TLE1: variants seen among roughly 807,000 people sequenced by gnomAD.
TLE1 encodes the protein transducin-like enhancer protein 1.
In TLE1, 21 loss-of-function variants were observed where a neutral mutation model predicts 89.8. The ratio of observed to expected loss-of-function variants is 0.23; its 90% CI spans 0.17 to 0.34. The LOEUF is 0.34. Ranked by LOEUF, TLE1 falls within the 10% of genes least tolerant of loss-of-function variation. The probability of loss-of-function intolerance (pLI) is 1.00; values close to 1 mark genes in which losing one functional copy is unlikely to be tolerated. For missense variants in TLE1, 795 were observed against 1,031.2 expected, an observed-to-expected ratio of 0.77 and a Z score of 3.14; for synonymous variants, 447 against 407.6, an observed-to-expected ratio of 1.10 and a Z score of -1.16.
chr9:81,686,445 T>C (rs1284863215), intron 2 of TLE1, among the ~76,000 whole-genome samples: 1 of 152,218 alleles, frequency 6.6e-6, no homozygotes, highest in Non-Finnish European at 1.5e-5. Context: ...ACACGGTGTG[T>C]GCAAGTATGC....
chr9:81,683,838 T>C (rs1588267802), intron 4 of TLE1, among the ~76,000 whole-genome samples: 1 of 152,146 alleles, frequency 6.6e-6, no homozygotes, highest in South Asian at 2.1e-4. Context: ...TCACTCTGTA[T>C]AGAAACTCAT....
chr9:81,594,286 C>A (rs1423631381), intron 14 of TLE1, among the ~76,000 whole-genome samples: 1 of 152,022 alleles, frequency 6.6e-6, no homozygotes, highest in African/African-American at 2.4e-5. Context: ...AACCCAAATG[C>A]CCATCAATGA....
chr9:81,623,767 G>T (rs1260495268), intron 8 of TLE1, among the ~76,000 whole-genome samples: 1 of 151,992 alleles, frequency 6.6e-6, no homozygotes, highest in South Asian at 2.1e-4. Context: ...TCCAGCCTGG[G>T]TGACAGAGTG....
chr9:81,587,959 TCTG>T, intron 16 of TLE1, 131 bp from the exon 17 acceptor site: 2 of 991,440 alleles, frequency 2.0e-6, no homozygotes, highest in East Asian at 2.8e-5. Flanking sequence ...CCCGCCAGTG[TCTG>T]CTGATGTGCA....
chr9:81,598,304 A>C (rs953055693), intron 14 of TLE1, among the ~76,000 whole-genome samples: 2 of 152,156 alleles, frequency 1.3e-5, no homozygotes, highest in African/African-American at 4.8e-5. Flanking sequence ...AGTTGCGCAC[A>C]AACTGTTCCC....
chr9:81,615,475 G>C (rs1362779470), intron 11 of TLE1, among the ~76,000 whole-genome samples: 1 of 150,530 alleles, frequency 6.6e-6, no homozygotes, highest in African/African-American at 2.5e-5. Context: ...TGAGGCGGGT[G>C]GATCAAAGAG....
chr9:81,630,202 A>C (rs1826396498), intron 8 of TLE1, among the ~76,000 whole-genome samples: 1 of 151,914 alleles, frequency 6.6e-6, no homozygotes, highest in Admixed American at 6.6e-5. Flanking sequence ...TGGTCCGAGG[A>C]TCCCTTAAGG....
At chr9:81,636,303 G>A (rs550526563) in intron 6 of TLE1, among the ~76,000 whole-genome samples, 4 of 152,110 alleles carry the variant, frequency 2.6e-5, no homozygotes, top group South Asian at 4.1e-4. Context: ...GTGGCATCAC[G>A]GTCCACTAGG....
At chr9:81,659,881 G>A (rs1830558599) in intron 4 of TLE1, among the ~76,000 whole-genome samples, 1 of 152,126 alleles carries the variant, frequency 6.6e-6, no homozygotes, top group African/African-American at 2.4e-5. Context: ...ATTCCAAAGT[G>A]CTGTACAAAT....
intron 1 of TLE1, 99 bp from the exon 2 acceptor site, chr9:81,687,533 A>C: frequency 2.3e-6 from 2 of 858,668 alleles, no homozygotes; most frequent in East Asian, 2.7e-5. Context: ...CATAAACATA[A>C]AGTTAGAAGT....
Position 81,688,535 on chromosome 9 carries a change from G to A in TLE1, c.-295C>T, listed in dbSNP as rs1381992773. 1 of 337,502 alleles carries A rather than the reference G, an allele frequency of 3.0e-6. No individual in the cohort carries two copies. Among genetic ancestry groups the A allele is most frequent in the Non-Finnish European group, 5.3e-6 (1 of 188,712 alleles). The allele number at this position is 337,502 out of a possible 1,614,324, so 20.9% of individuals were successfully genotyped here. ...GGGCGCTCGGGGACTGTGCGCGGGG[G>A]CAGCGCTCCAACCCCCGGCCTCAGC... On this transcript the variant is annotated 5_prime_UTR_variant, in exon 1 of 20. Coordinates refer to ENST00000376499, the MANE Select transcript of TLE1 (RefSeq NM_005077.5).
chr9:81,687,243 A>C (rs1834409010), intron 2 of TLE1, 91 bp downstream of exon 2: 4 of 1,045,470 alleles, frequency 3.8e-6, no homozygotes, highest in Admixed American at 2.3e-5. Context: ...CCTGGACGCA[A>C]GAACTAAGTA....
At chr9:81,687,523 C>T (rs1247497515) in intron 1 of TLE1, 89 bp from the exon 2 acceptor site, 3 of 965,982 alleles carry the variant, frequency 3.1e-6, no homozygotes, top group Non-Finnish European at 4.8e-6. Flanking sequence ...ACGGGTGGGA[C>T]ATAAACATAA....
At position 81,633,213 on chromosome 9, in the gene TLE1, C is replaced by A; in HGVS notation, c.594+135G>T. On this transcript the variant is annotated intron_variant, in intron 8 of 19. Coordinates refer to ENST00000376499, the MANE Select transcript of TLE1 (RefSeq NM_005077.5). ...AGGAAAAAAAGTAAAAGAAAAAAGC[C>A]AGGTCACTGAGAGAGACAGGGAGAG... The A allele has an allele frequency of 3.6e-6, 5 of 1,407,984 alleles. No individual in the cohort carries two copies. In the South Asian group the frequency reaches 5.1e-5, roughly 14 times the overall value. 87.2% of individuals were successfully genotyped at this position (1,407,984 alleles called of 1,614,324 possible).
intron 8 of TLE1, among the ~76,000 whole-genome samples, chr9:81,628,488 C>T (rs891175048): frequency 6.6e-6 from 1 of 152,140 alleles, no homozygotes; most frequent in African/African-American, 2.4e-5. Context: ...AGCCTCACAT[C>T]TTAACTCCTC....
At chr9:81,645,991 T>C (rs894068180) in intron 6 of TLE1, among the ~76,000 whole-genome samples, 11 of 152,198 alleles carry the variant, frequency 7.2e-5, no homozygotes, top group Non-Finnish European at 1.5e-4. Flanking sequence ...GAATATATAA[T>C]GCTTTATTCC....
chr9:81,673,857 A>G (rs929078547), intron 4 of TLE1, among the ~76,000 whole-genome samples: 11 of 152,142 alleles, frequency 7.2e-5, no homozygotes, highest in Non-Finnish European at 1.0e-4. Context: ...TGAGAAAGAC[A>G]ACTATGTGAG....
chr9:81,633,358 T>G lies in TLE1; in HGVS notation c.584A>C (p.Glu195Ala). The G allele has an allele frequency of 6.2e-7, 1 of 1,613,258 alleles. No homozygotes were observed. Among genetic ancestry groups the G allele is most frequent in the Non-Finnish European group, 8.5e-7 (1 of 1,179,864 alleles). ...CGTTTGAGTACTTACTGTGCCCGGC[T>G]CTCTGTCTGCTCCCGAGGTTACCAA... ...HHDAEHHRDR[E>A]PGTSNSLLVP... Residue 195 changes from glutamate (E) to alanine (A), a missense_variant, in exon 8 of 20, where the codon GAG becomes GCG. By Grantham distance (107) the Glu-to-Ala change is moderately radical. Transcript: ENST00000376499.
intron 8 of TLE1, among the ~76,000 whole-genome samples, chr9:81,622,124 C>CT (rs1404419262): frequency 6.6e-6 from 1 of 152,214 alleles, no homozygotes; most frequent in Non-Finnish European, 1.5e-5. Flanking sequence ...TTGCAAAGTG[C>CT]TAACACGCCC....
Sources: allele counts gnomAD v4.1 joint callset (sites outside exome capture counted in the v4.1 genomes callset), GRCh38; gene constraint gnomAD v4.1.1; transcripts MANE v1.5; gene names NCBI Gene and HGNC (gene_info 2026-07-23, HGNC 2026-07-21).